Variants in TLE3 observed in about 807,000 individuals in gnomAD.
The protein encoded by TLE3 is TLE family member 3, transcriptional corepressor.
Under a neutral mutation model 93.0 loss-of-function variants are expected in TLE3, and 14 were observed. The observed-to-expected ratio is 0.15, with a 90% confidence interval of 0.10 to 0.24. TLE3 has a LOEUF of 0.24. TLE3 is among the 10% of genes least tolerant of loss of function. The probability of loss-of-function intolerance (pLI) is 1.00; values close to 1 mark genes in which losing one functional copy is unlikely to be tolerated. For synonymous variants in TLE3, 451 were observed against 425.0 expected (o/e 1.06, Z -0.75); for missense variants, 693 against 1,046.6 (o/e 0.66, Z 4.66).
rs569794353 is a variant in TLE3 at position 70,048,495 on chromosome 15, T to G, written c.*1602A>C. ...GGCTTTCCCTGGAGCCCCTCCCACC[T>G]CCTCAGCAGACGGAATCACACATTA... is the stretch of plus-strand genomic sequence containing the variant. On this transcript the variant is annotated 3_prime_UTR_variant, in exon 20 of 20. Coordinates refer to ENST00000451782, the MANE Select transcript of TLE3 (RefSeq NM_001105192.3). The G allele has an allele frequency of 7.9e-5, 12 of 152,028 alleles. No homozygotes were observed. Among genetic ancestry groups the G allele is most frequent in the Non-Finnish European group, 1.8e-4 (12 of 68,022 alleles). The allele number at this position is 152,028 out of a possible 1,614,324, so 9.4% of individuals were successfully genotyped here. A position where few individuals can be genotyped will look rare whatever the true frequency, so the allele number is the denominator to read the frequency against.
At chr15:70,069,610 G>A (rs1294821276) in intron 6 of TLE3, among the ~76,000 whole-genome samples, 1 of 152,212 alleles carries the variant, frequency 6.6e-6, no homozygotes, top group Admixed American at 6.5e-5. Context: ...GTCTCCTTGG[G>A]GTGGTTTGAA....
At chr15:70,076,355 T>A (rs1038692828) in intron 4 of TLE3, among the ~76,000 whole-genome samples, 197 bp from the exon 5 acceptor site, 4 of 152,226 alleles carry the variant, frequency 2.6e-5, no homozygotes, top group Non-Finnish European at 5.9e-5. Context: ...TCAACTCCCT[T>A]GCAGCCAGGC....
chr15:70,083,877 A>G (rs1412233445), intron 4 of TLE3, among the ~76,000 whole-genome samples: 3 of 152,146 alleles, frequency 2.0e-5, no homozygotes, highest in Admixed American at 6.5e-5. Flanking sequence ...TGAGGGGCAG[A>G]GACAGAGCCC....
chr15:70,060,631 A>C lies in TLE3; in HGVS notation c.613T>G (p.Ser205Ala). ...TTCTCACTGGCCCGGAGGCTTTCCGAGGGTGACACAGAGTTATTCTGGAAG... is the reference window on the plus strand; with the variant it reads ...TTCTCACTGGCCCGGAGGCTTTCCGCGGGTGACACAGAGTTATTCTGGAAG... ...ESSANNSVSP[S>A]ESLRASEKHR... is the part of the protein sequence containing the mutation. The change falls in exon 9 of 20, where the codon TCG becomes GCG. Residue 205 changes from serine to alanine, a missense_variant. This residue lies in a region of TLE3 where 405 missense variants were observed against 468.9 expected (regional missense o/e 0.86). Transcript: ENST00000451782. 6.2e-7 allele frequency: 1 copy of C among 1,613,842 alleles called. No individual in the cohort carries two copies. Among genetic ancestry groups the C allele is most frequent in the South Asian group, 1.1e-5 (1 of 91,086 alleles).
chr15:70,077,955 G>A (rs2057533988), intron 4 of TLE3, among the ~76,000 whole-genome samples: 1 of 152,186 alleles, frequency 6.6e-6, no homozygotes, highest in South Asian at 2.1e-4. Flanking sequence ...ACTCTAGCCA[G>A]GACACCATAC....
chr15:70,097,248 G>A lies in TLE3; in HGVS notation c.-450C>T, dbSNP rs2058608752. On this transcript the variant is annotated 5_prime_UTR_variant, in exon 1 of 20. Coordinates refer to ENST00000451782, the MANE Select transcript of TLE3 (RefSeq NM_001105192.3). The stretch of plus-strand genomic sequence containing the variant: ...TCGCGCCTGTAGGGGGGCGCGCCGG[G>A]GCAGCCCCAAGCATCCGGGGCGCGC... 2.0e-5 allele frequency: 8 copies of A among 401,032 alleles called. No homozygotes were observed. The highest frequency in any genetic ancestry group is 3.5e-5 in the Non-Finnish European group (8 of 228,524). The allele number at this position is 401,032 out of a possible 1,614,324, so 24.8% of individuals were successfully genotyped here.
chr15:70,052,679 C>A, intron 17 of TLE3, 155 bp from the exon 18 acceptor site: 1 of 701,890 alleles, frequency 1.4e-6, no homozygotes, highest in Non-Finnish European at 2.2e-6. Context: ...TTTCCATCCC[C>A]ATTTTATAGG....
At chr15:70,056,130 G>A (rs2055998821) in intron 14 of TLE3, 168 bp downstream of exon 14, 6 of 736,284 alleles carry the variant, frequency 8.1e-6, no homozygotes, top group Non-Finnish European at 1.2e-5. Context: ...CAGTTTCCTG[G>A]GGTTGCAACC....
At chr15:70,065,977 C>A in intron 7 of TLE3, 37 bp downstream of exon 7, 4 of 1,332,284 alleles carry the variant, frequency 3.0e-6, no homozygotes, top group Non-Finnish European at 3.2e-6. Flanking sequence ...ATGCCCACCC[C>A]TGCCCCGCCC....
chr15:70,084,470 T>C (rs1183653158), intron 4 of TLE3, among the ~76,000 whole-genome samples: 1 of 152,250 alleles, frequency 6.6e-6, no homozygotes, highest in Non-Finnish European at 1.5e-5. Context: ...CATGTTTTAC[T>C]GAATTCTGAA....
At chr15:70,054,282 G>C in intron 16 of TLE3, 156 bp downstream of exon 16, 1 of 1,075,476 alleles carries the variant, frequency 9.3e-7, no homozygotes, top group Non-Finnish European at 1.3e-6. Context: ...CATAAGGCAG[G>C]CGGAGCTGTC....
Position 70,083,238 on chromosome 15 carries a change from G to C in TLE3, c.235-7080C>G, listed in dbSNP as rs540441895. Among the ~76,000 whole-genome samples the C allele has an allele frequency of 6.4e-5, 9 of 140,148 alleles. No individual in the cohort carries two copies. The South Asian group carries it at 2.2e-3, about 35-fold the overall frequency. The allele number at this position is 140,148 out of a possible 152,430, so 91.9% of individuals were successfully genotyped here. A position where few individuals can be genotyped will look rare whatever the true frequency, so the allele number is the denominator to read the frequency against. ...CAGACACCACAGGGCCCAGATGACA[G>C]CTCAAGTCCCTCCTGGCTTTAGGAC... On this transcript the variant is annotated intron_variant, in intron 4 of 19. Coordinates refer to ENST00000451782, the MANE Select transcript of TLE3 (RefSeq NM_001105192.3).
At chr15:70,059,519 C>T (rs1306832145) in intron 9 of TLE3, 59 bp from the exon 10 acceptor site, 1 of 1,545,136 alleles carries the variant, frequency 6.5e-7, no homozygotes, top group African/African-American at 1.4e-5. Context: ...CCACCCCTGA[C>T]TGAGCCCAAA....
chr15:70,065,992 C>A, intron 7 of TLE3, 22 bp downstream of exon 7: 1 of 1,593,770 alleles, frequency 6.3e-7, no homozygotes, highest in South Asian at 1.1e-5. Flanking sequence ...CCGCCCCACC[C>A]TCTGCCCCAG....
intron 2 of TLE3, chr15:70,095,880 A>C (rs2142108178): frequency 1.6e-6 from 1 of 624,794 alleles, no homozygotes; most frequent in African/African-American, 1.9e-5. Flanking sequence ...GGGGAGTAGG[A>C]CCCTGACGCT....
intron 13 of TLE3, 135 bp from the exon 14 acceptor site, chr15:70,056,509 G>A: frequency 1.3e-6 from 1 of 779,024 alleles, no homozygotes; most frequent in Non-Finnish European, 2.1e-6. Flanking sequence ...GCTGAGCAGA[G>A]CAGAGCCCAT....
chr15:70,095,657 G>C lies in TLE3; in HGVS notation c.126-16C>G. The C allele has an allele frequency of 6.4e-7, 1 of 1,551,300 alleles. No individual in the cohort carries two copies. The highest frequency in any genetic ancestry group is 8.7e-7 in the Non-Finnish European group (1 of 1,146,842). On this transcript the variant is annotated splice_polypyrimidine_tract_variant and intron_variant, in intron 2 of 19. Coordinates refer to ENST00000451782, the MANE Select transcript of TLE3 (RefSeq NM_001105192.3). ...CACTTTGAGGCTGCGAGGGCAGGAGGAGCCGGCTCAGGCGTGGCGCCTGGA... is the reference window on the plus strand; with the variant it reads ...CACTTTGAGGCTGCGAGGGCAGGAGCAGCCGGCTCAGGCGTGGCGCCTGGA...
Position 70,048,811 on chromosome 15 carries a change from TC to T in TLE3, c.*1285del, listed in dbSNP as rs1366996690. ...TATCCACAGTGTGCCAGGATCTGTG[TC>T]CCCCTCTCCCACCCCCCAACCCCCA... On this transcript the variant is annotated 3_prime_UTR_variant, in exon 20 of 20. Transcript: ENST00000451782. 6.6e-6 allele frequency: 1 copy of T among 152,044 alleles called. No homozygotes were observed. The highest frequency in any genetic ancestry group is 1.5e-5 in the Non-Finnish European group (1 of 68,036). 9.4% of individuals were successfully genotyped at this position (152,044 alleles called of 1,614,324 possible).
chr15:70,077,638 T>C (rs867935708), intron 4 of TLE3, among the ~76,000 whole-genome samples: 1 of 152,194 alleles, frequency 6.6e-6, no homozygotes, highest in Admixed American at 6.5e-5. Flanking sequence ...TGCAGGCCTG[T>C]GTCCTGGGCT....
Sources: gnomAD v4.1 joint callset for allele counts (sites outside exome capture counted in the v4.1 genomes callset) on GRCh38, gnomAD v4.1.1 for gene constraint, gnomAD v4.1.1 regional missense constraint, MANE v1.5 for transcripts, NCBI Gene and HGNC (gene_info 2026-07-23, HGNC 2026-07-21) for gene names.